The following DNAAF9 variants were observed in gnomAD, a reference collection of about 807,000 sequenced individuals.
DNAAF9 encodes dynein axonemal assembly factor 9.
In DNAAF9, 90 loss-of-function variants were observed where a neutral mutation model predicts 167.0. That is an observed-to-expected ratio of 0.54 (90% CI 0.45 to 0.64). DNAAF9 has a LOEUF of 0.64. DNAAF9 is among the 30% of genes least tolerant of loss of function. The pLI is 0.00. For synonymous variants in DNAAF9, 491 were observed against 508.8 expected, an observed-to-expected ratio of 0.96 and a Z score of 0.47; for missense variants, 1,315 against 1,442.2, an observed-to-expected ratio of 0.91 and a Z score of 1.43.
At chr20:3,308,591 G>A (rs1345873051) in intron 20 of DNAAF9, among the ~76,000 whole-genome samples, 2 of 151,862 alleles carry the variant, frequency 1.3e-5, no homozygotes, top group African/African-American at 2.4e-5. Flanking sequence ...TGACCTGCCC[G>A]CCTCGGCCTT....
At chr20:3,402,160 G>A (rs962057726) in intron 1 of DNAAF9, among the ~76,000 whole-genome samples, 20 of 152,252 alleles carry the variant, frequency 1.3e-4, no homozygotes, top group African/African-American at 4.1e-4. Context: ...TTACAATCCT[G>A]CTAGAATCCT....
rs184565410 is a variant in DNAAF9 at position 3,252,572 on chromosome 20, C to T, written c.3534G>A (p.Ter1178=). Residue 1178 remains the stop codon, a stop_retained_variant, in exon 37 of 37, where the codon TAG becomes TAA. Coordinates refer to ENST00000252032, the MANE Select transcript of DNAAF9 (RefSeq NM_001009984.3). ...CAGGACGTACGGGCCCAGCCTTCCT[C>T]TAGGGCTTCAGCTCAAAGAGGTCAT... ...EYHDLFELKP[*] 2.8e-5 allele frequency: 44 copies of T among 1,545,382 alleles called. No homozygotes were observed. Among genetic ancestry groups the T allele is most frequent in the Non-Finnish European group, 3.5e-5 (39 of 1,117,142 alleles).
intron 29 of DNAAF9, among the ~76,000 whole-genome samples, chr20:3,274,268 G>A (rs969608642): frequency 2.0e-5 from 3 of 151,890 alleles, no homozygotes; most frequent in Non-Finnish European, 4.4e-5. Flanking sequence ...TCATCCTCCT[G>A]AGTAGCTGGA....
intron 21 of DNAAF9, 49 bp downstream of exon 21, chr20:3,304,391 T>C: frequency 1.2e-6 from 1 of 841,064 alleles, no homozygotes; most frequent in Non-Finnish European, 2.1e-6. Flanking sequence ...CCCTCAAAAG[T>C]GTGAGCAACT....
chr20:3,304,150 T>C (rs1035986077), intron 21 of DNAAF9, among the ~76,000 whole-genome samples: 1 of 152,240 alleles, frequency 6.6e-6, no homozygotes, highest in South Asian at 2.1e-4. Flanking sequence ...GCCTGCTTTA[T>C]AGTCCTCTTT....
At chr20:3,376,343 C>T (rs2083575339) in intron 3 of DNAAF9, 41 bp from the exon 4 acceptor site, 2 of 1,519,268 alleles carry the variant, frequency 1.3e-6, no homozygotes, top group Non-Finnish European at 1.8e-6. Context: ...CTGTCAAACA[C>T]ATTTCTTTTA....
At chr20:3,263,102 G>C (rs2068423863) in intron 31 of DNAAF9, among the ~76,000 whole-genome samples, 1 of 150,042 alleles carries the variant, frequency 6.7e-6, no homozygotes, top group Admixed American at 6.8e-5. Context: ...AGCCTCCCAA[G>C]TAGCTGGGAC....
intron 20 of DNAAF9, chr20:3,306,811 C>T (rs1156823368): frequency 1.6e-6 from 1 of 636,734 alleles, no homozygotes; most frequent in Non-Finnish European, 2.0e-6. Context: ...GCCCACAGAG[C>T]TCATCCCAGA....
At position 3,311,453 on chromosome 20, in the gene DNAAF9, G is replaced by A. The variant is rs112355626; in HGVS notation, c.1678+3580C>T. Among the ~76,000 whole-genome samples, 495 of 152,256 alleles carry A rather than the reference G, an allele frequency of 3.3e-3. 6 individuals are homozygous for A. Among genetic ancestry groups the A allele is most frequent in the African/African-American group, 0.011 (460 of 41,556 alleles). On this transcript the variant is annotated intron_variant, in intron 20 of 36. Coordinates refer to ENST00000252032, the MANE Select transcript of DNAAF9 (RefSeq NM_001009984.3). ...TTTGTAGAAACAAGAGTCTCACTCT[G>A]TTGCCCAGGCTGGTCTTGAACTCCT...
At chr20:3,285,718 C>G (rs1424365171) in intron 27 of DNAAF9, among the ~76,000 whole-genome samples, 5 of 147,010 alleles carry the variant, frequency 3.4e-5, no homozygotes, top group Admixed American at 1.4e-4. Flanking sequence ...GTGGCTCATG[C>G]CTGTAATTGC....
At chr20:3,267,290 C>T (rs1346872813) in intron 30 of DNAAF9, among the ~76,000 whole-genome samples, 1 of 152,130 alleles carries the variant, frequency 6.6e-6, no homozygotes, top group Non-Finnish European at 1.5e-5. Flanking sequence ...AAGCTACTTC[C>T]CATATCCTTT....
intron 21 of DNAAF9, among the ~76,000 whole-genome samples, chr20:3,300,689 A>G (rs2069169412): frequency 2.2e-5 from 3 of 133,880 alleles, no homozygotes; most frequent in African/African-American, 3.2e-5. Context: ...AATAATAATA[A>G]TAATAATAAT....
chr20:3,397,743 C>T (rs2083930698), intron 1 of DNAAF9, among the ~76,000 whole-genome samples: 1 of 151,932 alleles, frequency 6.6e-6, no homozygotes, highest in African/African-American at 2.4e-5. Flanking sequence ...ATCTACCAGT[C>T]TATTAACTTC....
At position 3,252,496 on chromosome 20, in the gene DNAAF9, C is replaced by A; in HGVS notation, c.*76G>T. 1.2e-6 allele frequency: 1 copy of A among 825,906 alleles called. No individual in the cohort carries two copies. The highest frequency in any genetic ancestry group is 2.1e-6 in the Non-Finnish European group (1 of 471,226). The allele number at this position is 825,906 out of a possible 1,614,324, so 51.2% of individuals were successfully genotyped here. ...AGCCCCTTAAGGGAGAGGCCTCCAGCAGAGCTGAGGTTAAGACACCCGTTC... is the reference window on the plus strand; with the variant it reads ...AGCCCCTTAAGGGAGAGGCCTCCAGAAGAGCTGAGGTTAAGACACCCGTTC... On this transcript the variant is annotated 3_prime_UTR_variant, in exon 37 of 37. Transcript: ENST00000252032.
rs1223225576 is a variant in DNAAF9, at chr20:3,318,342, G to A, written c.1415C>T (p.Ser472Phe). ...DLLGGNGCLG[S>F]VVFSESFLTS... ...CAAAAATGATTCAGAGAAAACCACAGATCCTAAACAACCATTGCCTCCCAG... is the reference window on the plus strand; with the variant it reads ...CAAAAATGATTCAGAGAAAACCACAAATCCTAAACAACCATTGCCTCCCAG... Residue 472 changes from serine to phenylalanine, a missense_variant, in exon 17 of 37, where the codon TCT becomes TTT. By Grantham distance (155) the Ser-to-Phe change is radical (BLOSUM62 -2). Transcript: ENST00000252032. 6.2e-7 allele frequency: 1 copy of A among 1,605,510 alleles called. No homozygotes were observed. The highest frequency in any genetic ancestry group is 1.1e-5 in the South Asian group (1 of 90,886).
At chr20:3,329,200 C>T (rs1382332353) in intron 12 of DNAAF9, among the ~76,000 whole-genome samples, 1 of 144,420 alleles carries the variant, frequency 6.9e-6, no homozygotes, top group South Asian at 2.2e-4. Context: ...CAGGAACTCA[C>T]TCTGTCACCC....
intron 21 of DNAAF9, among the ~76,000 whole-genome samples, chr20:3,298,859 T>C (rs1490372204): frequency 1.3e-5 from 2 of 151,656 alleles, no homozygotes; most frequent in Non-Finnish European, 2.9e-5. Context: ...TCCAGTATCA[T>C]AAAGATTTTC....
chr20:3,352,253 G>A (rs935234288), intron 7 of DNAAF9, among the ~76,000 whole-genome samples: 8 of 152,146 alleles, frequency 5.3e-5, no homozygotes, highest in Admixed American at 4.6e-4. Flanking sequence ...GGGTTAGAAT[G>A]CTTTGCCATA....
intron 29 of DNAAF9, among the ~76,000 whole-genome samples, chr20:3,276,233 A>C (rs1034206315): frequency 1.3e-5 from 2 of 152,160 alleles, no homozygotes; most frequent in South Asian, 4.1e-4. Flanking sequence ...CTCCTAGGAG[A>C]AAAGAAATAC....
Sources: gnomAD v4.1 joint callset for allele counts (sites outside exome capture counted in the v4.1 genomes callset) on GRCh38, gnomAD v4.1.1 for gene constraint, MANE v1.5 for transcripts, NCBI Gene and HGNC (gene_info 2026-07-23, HGNC 2026-07-21) for gene names.